The following NRXN1 variants were observed in gnomAD, a reference collection of about 807,000 sequenced individuals.
NRXN1 encodes neurexin 1, also known as neurexin-1.
Under a neutral mutation model 150.9 loss-of-function variants are expected in NRXN1, and 39 were observed. That is an observed-to-expected ratio of 0.26 (90% confidence interval 0.20 to 0.34). The LOEUF (loss-of-function observed/expected upper bound fraction) is 0.34. Among genes scored for constraint, NRXN1 ranks in the 10% least tolerant of loss-of-function variants. NRXN1 has a pLI of 1.00. For missense variants in NRXN1, 1,815 were observed against 1,949.9 expected (o/e 0.93, Z 1.30); for synonymous variants, 924 against 757.0 (o/e 1.22, Z -3.62).
chr2:50,364,254 A>G (rs2079430297), intron 17 of NRXN1, among the ~76,000 whole-genome samples: 1 of 152,162 alleles, frequency 6.6e-6, no homozygotes, highest in Non-Finnish European at 1.5e-5. Flanking sequence ...AAAAATTAGC[A>G]AACACCAGCT....
chr2:50,803,949 A>T (rs1667167643), intron 5 of NRXN1, among the ~76,000 whole-genome samples: 2 of 152,280 alleles, frequency 1.3e-5, no homozygotes, highest in African/African-American at 4.8e-5. Flanking sequence ...CACTCTCATA[A>T]ACTTCAGAAG....
intron 5 of NRXN1, among the ~76,000 whole-genome samples, chr2:50,752,681 T>C (rs566998568): frequency 6.6e-6 from 1 of 151,618 alleles, no homozygotes; most frequent in Admixed American, 6.6e-5. Flanking sequence ...TGAAAGCCTA[T>C]TTAACACAAC....
At chr2:50,271,086 T>TA (rs1381902371) in intron 17 of NRXN1, among the ~76,000 whole-genome samples, 5 of 152,148 alleles carry the variant, frequency 3.3e-5, no homozygotes, top group African/African-American at 1.2e-4. Flanking sequence ...TTCAGAATAC[T>TA]AAAAAGTGTT....
At chr2:50,596,519 CG>C (rs1302589446) in intron 8 of NRXN1, among the ~76,000 whole-genome samples, 1 of 152,192 alleles carries the variant, frequency 6.6e-6, no homozygotes, top group Non-Finnish European at 1.5e-5. Flanking sequence ...GCTGGACTTA[CG>C]TTTGGAATAG....
intron 5 of NRXN1, among the ~76,000 whole-genome samples, chr2:50,642,627 T>A (rs578171086): frequency 3.3e-5 from 5 of 152,086 alleles, no homozygotes; most frequent in Non-Finnish European, 7.4e-5. Flanking sequence ...TGGTGAATTA[T>A]TGATTGGCAT....
At chr2:50,371,862 ACT>A (rs914494317) in intron 17 of NRXN1, among the ~76,000 whole-genome samples, 70 of 152,152 alleles carry the variant, frequency 4.6e-4, no homozygotes, top group African/African-American at 1.7e-3. Context: ...TTAAATAATA[ACT>A]CTGATGGATA....
At chr2:50,512,063 T>A (rs893405551) in intron 12 of NRXN1, among the ~76,000 whole-genome samples, 3 of 151,916 alleles carry the variant, frequency 2.0e-5, no homozygotes, top group African/African-American at 4.8e-5. Context: ...AAAATGATAA[T>A]CCCATATAAA....
chr2:50,403,811 A>T (rs1178548569), intron 17 of NRXN1, among the ~76,000 whole-genome samples: 3 of 152,098 alleles, frequency 2.0e-5, no homozygotes, highest in African/African-American at 4.8e-5. Context: ...TCATTAGAAG[A>T]GATTTTAGAA....
chr2:50,914,577 G>C (rs1186096147), intron 5 of NRXN1, among the ~76,000 whole-genome samples: 1 of 151,646 alleles, frequency 6.6e-6, no homozygotes, highest in Non-Finnish European at 1.5e-5. Flanking sequence ...TGTGAAAGTG[G>C]TTTTTAAATC....
intron 5 of NRXN1, chr2:50,917,031 A>C (rs1574923326): frequency 2.0e-5 from 3 of 151,896 alleles, no homozygotes; most frequent in Admixed American, 2.0e-4. Context: ...AGATAAAAGT[A>C]GATATTTAAT....
At chr2:50,933,185 T>A (rs2104412044) in intron 2 of NRXN1, among the ~76,000 whole-genome samples, 1 of 152,272 alleles carries the variant, frequency 6.6e-6, no homozygotes, top group African/African-American at 2.4e-5. Context: ...CATAAATTTC[T>A]TGCTGTCTTT....
intron 21 of NRXN1, among the ~76,000 whole-genome samples, chr2:49,983,417 C>G (rs58564477): frequency 0.47 from 71,275 of 151,974 alleles, 17,365 homozygotes; most frequent in Middle Eastern, 0.61. Flanking sequence ...TTCCTTAAGT[C>G]TTTTATAGGT....
chr2:50,801,264 A>C (rs1707546136), intron 5 of NRXN1, among the ~76,000 whole-genome samples: 1 of 152,096 alleles, frequency 6.6e-6, no homozygotes, highest in Non-Finnish European at 1.5e-5. Flanking sequence ...GAGTCAAATC[A>C]CTCAGATTCT....
chr2:50,694,653 T>C (rs982131620), intron 5 of NRXN1, among the ~76,000 whole-genome samples: 2 of 152,040 alleles, frequency 1.3e-5, no homozygotes, highest in African/African-American at 4.8e-5. Context: ...GAAAAGAAAA[T>C]CAAACCAATT....
At chr2:50,697,090 C>T (rs1287614064) in intron 5 of NRXN1, among the ~76,000 whole-genome samples, 1 of 152,076 alleles carries the variant, frequency 6.6e-6, no homozygotes, top group Non-Finnish European at 1.5e-5. Flanking sequence ...ACCCTGCAAC[C>T]TCTCAACAAC....
chr2:49,992,640 C>T (rs973890343), intron 21 of NRXN1, among the ~76,000 whole-genome samples: 2 of 151,956 alleles, frequency 1.3e-5, no homozygotes, highest in Non-Finnish European at 2.9e-5. Flanking sequence ...GAAGACAAGC[C>T]ACAGACTAGC....
At chr2:50,702,511 A>T (rs1250016641) in intron 5 of NRXN1, among the ~76,000 whole-genome samples, 1 of 152,026 alleles carries the variant, frequency 6.6e-6, no homozygotes, top group South Asian at 2.1e-4. Flanking sequence ...AAAGAAGAAC[A>T]GAGAAAATTT....
intron 17 of NRXN1, among the ~76,000 whole-genome samples, chr2:50,282,234 A>G (rs1279800293): frequency 4.6e-5 from 7 of 152,162 alleles, no homozygotes. Context: ...GAAATTTACC[A>G]CTTAAGTGAT....
intron 21 of NRXN1, among the ~76,000 whole-genome samples, chr2:50,001,083 A>C (rs1454924865): frequency 6.6e-6 from 1 of 152,112 alleles, no homozygotes; most frequent in African/African-American, 2.4e-5. Context: ...GTGCCTTACA[A>C]ATCTCAGACC....
Sources: allele counts gnomAD v4.1 joint callset (sites outside exome capture counted in the v4.1 genomes callset), GRCh38; gene constraint gnomAD v4.1.1; transcripts MANE v1.5; gene names NCBI Gene and HGNC (gene_info 2026-07-23, HGNC 2026-07-21).